Variants in UNC13B observed in about 807,000 individuals in gnomAD.
UNC13B encodes protein unc-13 homolog B.
UNC13B carries 144 observed loss-of-function variants against 211.0 expected under a neutral mutation model. That is an observed-to-expected ratio of 0.68 (90% CI 0.60 to 0.78). UNC13B has a LOEUF of 0.78. Among genes scored for constraint, UNC13B ranks in the 30% least tolerant of loss-of-function variants. The pLI, the probability that UNC13B is intolerant of heterozygous loss-of-function variation, is 0.00. For missense variants in UNC13B, 1,777 were observed against 2,002.0 expected (o/e 0.89, Z 2.14); for synonymous variants, 709 against 725.8 (o/e 0.98, Z 0.37).
chr9:35,324,558 G>A (rs1426485389), intron 11 of UNC13B, among the ~76,000 whole-genome samples: 1 of 152,160 alleles, frequency 6.6e-6, no homozygotes, highest in Non-Finnish European at 1.5e-5. Context: ...CTGTATTTGT[G>A]AAGGTCATCA....
chr9:35,382,658 G>T (rs913636044), intron 21 of UNC13B, 151 bp downstream of exon 21: 26 of 900,780 alleles, frequency 2.9e-5, no homozygotes, highest in African/African-American at 2.2e-4. Context: ...TACCTCCTGG[G>T]TTCAAGCGAT....
At chr9:35,211,834 G>A (rs1046515717) in intron 1 of UNC13B, among the ~76,000 whole-genome samples, 10 of 152,174 alleles carry the variant, frequency 6.6e-5, no homozygotes, top group African/African-American at 1.9e-4. Flanking sequence ...GGTAGTGCAT[G>A]TCTGTAGTCC....
At chr9:35,324,485 G>A (rs1419511843) in intron 11 of UNC13B, among the ~76,000 whole-genome samples, 1 of 152,210 alleles carries the variant, frequency 6.6e-6, no homozygotes, top group African/African-American at 2.4e-5. Flanking sequence ...TGTGGGACTA[G>A]TTTTCCAAGG....
chr9:35,353,837 T>C (rs1440733171), intron 11 of UNC13B: 2 of 1,224,422 alleles, frequency 1.6e-6, no homozygotes, highest in African/African-American at 3.1e-5. Flanking sequence ...TTTAACAGGG[T>C]CCCAGCTGGC....
intron 1 of UNC13B, among the ~76,000 whole-genome samples, chr9:35,178,489 C>G (rs1225705109): frequency 1.3e-5 from 2 of 149,734 alleles, no homozygotes; most frequent in African/African-American, 4.9e-5. Flanking sequence ...GAGTGAGACC[C>G]TGTTTCAAAA....
intron 24 of UNC13B, among the ~76,000 whole-genome samples, chr9:35,388,386 C>A (rs780141612): frequency 1.3e-5 from 2 of 151,798 alleles, no homozygotes; most frequent in South Asian, 2.1e-4. Flanking sequence ...CCAGCCTGGG[C>A]GACAGAGTGA....
At chr9:35,206,669 A>G (rs929552362) in intron 1 of UNC13B, among the ~76,000 whole-genome samples, 17 of 152,030 alleles carry the variant, frequency 1.1e-4, no homozygotes, top group African/African-American at 4.1e-4. Flanking sequence ...AGGTCAAGAG[A>G]TCGAGACCAT....
At chr9:35,312,232 T>G (rs1272370615) in intron 10 of UNC13B, among the ~76,000 whole-genome samples, 1 of 152,210 alleles carries the variant, frequency 6.6e-6, no homozygotes, top group Non-Finnish European at 1.5e-5. Flanking sequence ...TGAATGCAGA[T>G]TACATGGTAA....
intron 6 of UNC13B, among the ~76,000 whole-genome samples, chr9:35,245,611 G>A (rs1279316642): frequency 6.7e-6 from 1 of 148,860 alleles, no homozygotes; most frequent in Non-Finnish European, 1.5e-5. Context: ...TTGGTTTTTT[G>A]TCCTTGGTGA....
At chr9:35,353,591 G>T in intron 11 of UNC13B, 2 of 1,232,142 alleles carry the variant, frequency 1.6e-6, no homozygotes, top group Non-Finnish European at 2.0e-6. Flanking sequence ...GCCAAGTGTT[G>T]CTCTGGCTCC....
intron 11 of UNC13B, among the ~76,000 whole-genome samples, chr9:35,363,260 C>T (rs1004766240): frequency 1.3e-5 from 2 of 152,072 alleles, no homozygotes; most frequent in African/African-American, 2.4e-5. Flanking sequence ...CTGTGGAGAA[C>T]AGAAGGACAC....
chr9:35,236,639 C>T, intron 4 of UNC13B, 53 bp downstream of exon 4: 6 of 1,459,756 alleles, frequency 4.1e-6, no homozygotes, highest in Non-Finnish European at 4.8e-6. Context: ...CATGCTTCTC[C>T]CCATGCTAGC....
At chr9:35,236,713 C>A in intron 4 of UNC13B, 127 bp downstream of exon 4, 2 of 840,710 alleles carry the variant, frequency 2.4e-6, no homozygotes, top group Admixed American at 2.0e-5. Flanking sequence ...AATTAGAGGG[C>A]ATGCAACCTG....
intron 24 of UNC13B, among the ~76,000 whole-genome samples, chr9:35,386,538 C>T (rs981649309): frequency 6.6e-6 from 1 of 152,136 alleles, no homozygotes; most frequent in African/African-American, 2.4e-5. Flanking sequence ...AGAAAGTAAA[C>T]CTAAATTCAT....
intron 11 of UNC13B, among the ~76,000 whole-genome samples, chr9:35,366,446 T>TC (rs1482405894): frequency 6.6e-6 from 1 of 152,028 alleles, no homozygotes; most frequent in Admixed American, 6.5e-5. Flanking sequence ...TGTCAGTGAG[T>TC]CAGAGGTTCA....
In UNC13B at chr9:35,267,345, C is replaced by T. The variant is rs755077282; in HGVS notation, c.526+8295C>T. Among the ~76,000 whole-genome samples the T allele has an allele frequency of 9.9e-5, 15 of 152,152 alleles. 1 individual carries two copies. The highest frequency in any genetic ancestry group is 1.9e-4 in the Non-Finnish European group (13 of 68,040). On this transcript the variant is annotated intron_variant, in intron 7 of 39. Coordinates refer to ENST00000635942, the MANE Select transcript of UNC13B (RefSeq NM_001371189.2). ...CTCTCTCAGAAGTGTTCTCTGTGTC[C>T]GAGTGACTAAGGACTGGAGGAGACC... is the stretch of plus-strand genomic sequence containing the variant.
rs1043535430 is a variant in UNC13B, at chr9:35,376,345, C to G, written c.9835+98C>G. ...CTGGGATGGCTGAACCAATCATTCC[C>G]CCAGTCCACCTGATTCTGAAACCCT... On this transcript the variant is annotated intron_variant, in intron 15 of 39. Transcript: ENST00000635942. 6 of 1,192,486 alleles carry G rather than the reference C, an allele frequency of 5.0e-6. No individual in the cohort carries two copies. The African/African-American group carries it at 9.0e-5, about 18-fold the overall frequency. The allele number at this position is 1,192,486 out of a possible 1,614,324, so 73.9% of individuals were successfully genotyped here. A position where few individuals can be genotyped will look rare whatever the true frequency, so the allele number is the denominator to read the frequency against.
intron 11 of UNC13B, among the ~76,000 whole-genome samples, chr9:35,323,372 T>C (rs548093842): frequency 5.3e-5 from 8 of 152,338 alleles, no homozygotes; most frequent in African/African-American, 1.7e-4. Context: ...CTGCCCCCAT[T>C]GATGGATCTT....
chr9:35,356,998 T>C (rs1833066498), intron 11 of UNC13B, among the ~76,000 whole-genome samples: 1 of 152,226 alleles, frequency 6.6e-6, no homozygotes, highest in South Asian at 2.1e-4. Context: ...GACATTTGAG[T>C]TATTATTACC....
Sources: allele counts gnomAD v4.1 joint callset (sites outside exome capture counted in the v4.1 genomes callset), GRCh38; gene constraint gnomAD v4.1.1; transcripts MANE v1.5; gene names NCBI Gene and HGNC (gene_info 2026-07-23, HGNC 2026-07-21).